TNFRSF10A: variants seen among roughly 807,000 people sequenced by gnomAD.
TNFRSF10A encodes the protein tumor necrosis factor receptor superfamily member 10A.
In TNFRSF10A, 44 loss-of-function variants were observed where a neutral mutation model predicts 42.8. That is an observed-to-expected ratio of 1.03 (90% CI 0.81 to 1.32). The LOEUF (loss-of-function observed/expected upper bound fraction) is 1.32. Among genes scored for constraint, TNFRSF10A ranks in the 40% most tolerant of loss-of-function variants. The pLI is 0.00. For missense variants in TNFRSF10A, 680 were observed against 602.0 expected (o/e 1.13, Z -1.36); for synonymous variants, 259 against 234.2 (o/e 1.11, Z -0.97).
At chr8:23,193,351 G>T (rs1800780448) in intron 9 of TNFRSF10A, among the ~76,000 whole-genome samples, 1 of 152,174 alleles carries the variant, frequency 6.6e-6, no homozygotes, top group African/African-American at 2.4e-5. Flanking sequence ...ACTGCAGCCG[G>T]CCCCAACCAC....
chr8:23,224,704 C>T (rs929283884), intron 1 of TNFRSF10A, 52 bp downstream of exon 1: 33 of 1,529,416 alleles, frequency 2.2e-5, no homozygotes, highest in Non-Finnish European at 2.6e-5. Flanking sequence ...TCTCTGCCCC[C>T]TCCCGGTGCC....
intron 1 of TNFRSF10A, among the ~76,000 whole-genome samples, chr8:23,212,891 T>C (rs951065220): frequency 2.0e-5 from 3 of 152,236 alleles, no homozygotes; most frequent in Non-Finnish European, 4.4e-5. Context: ...ATCACTTCTA[T>C]ATTATCAGGG....
At chr8:23,194,109 C>G (rs1563376364) in intron 9 of TNFRSF10A, among the ~76,000 whole-genome samples, 1 of 152,174 alleles carries the variant, frequency 6.6e-6, no homozygotes, top group African/African-American at 2.4e-5. Flanking sequence ...TAACAAATTT[C>G]AGCCATGTGA....
At chr8:23,200,034 G>C (rs551392193) in intron 6 of TNFRSF10A, 117 bp from the exon 7 acceptor site, 1 of 1,298,070 alleles carries the variant, frequency 7.7e-7, no homozygotes, top group African/African-American at 1.5e-5. Flanking sequence ...AAAGATCCCC[G>C]GGCCTGGGGA....
chr8:23,202,625 C>A (rs1345050356), intron 3 of TNFRSF10A, 23 bp downstream of exon 3: 1 of 1,595,898 alleles, frequency 6.3e-7, no homozygotes, highest in Non-Finnish European at 8.6e-7. Flanking sequence ...CACCTCTGGA[C>A]AAGAGGTCCA....
intron 2 of TNFRSF10A, chr8:23,207,435 C>G: frequency 2.1e-6 from 1 of 476,358 alleles, no homozygotes; most frequent in South Asian, 1.7e-5. Context: ...AAGTTGAGGC[C>G]CAGATGCCTT....
intron 2 of TNFRSF10A, among the ~76,000 whole-genome samples, chr8:23,210,439 T>C (rs1801078666): frequency 6.6e-6 from 1 of 152,158 alleles, no homozygotes; most frequent in Non-Finnish European, 1.5e-5. Flanking sequence ...CCCAGCACTT[T>C]GGAAGGCTGA....
At chr8:23,219,613 C>A (rs1399609790) in intron 1 of TNFRSF10A, among the ~76,000 whole-genome samples, 3 of 152,228 alleles carry the variant, frequency 2.0e-5, no homozygotes, top group African/African-American at 7.2e-5. Flanking sequence ...AGCCAGAGAA[C>A]AAAGATCTCC....
chr8:23,202,696 C>T lies in TNFRSF10A; in HGVS notation c.469G>A (p.Ala157Thr). The T allele has an allele frequency of 1.2e-6, 2 of 1,614,050 alleles. No individual in the cohort carries two copies. Among genetic ancestry groups the T allele is most frequent in the Admixed American group, 1.7e-5 (1 of 60,006 alleles). ...AGGCAAGCAAACAAATTGTTGGAAG[C>T]ATTGGTGTAACCCACACCCTCTGTG... Reference protein sequence around the residue: ...RCTEGVGYTNASNNLFACLPC... With the variant: ...RCTEGVGYTNTSNNLFACLPC... Residue 157 changes from alanine (A) to threonine (T), a missense_variant, in exon 3 of 10, where the codon GCT becomes ACT. By Grantham distance (58) the Ala-to-Thr change is moderately conservative (BLOSUM62 0). Coordinates refer to ENST00000221132, the MANE Select transcript of TNFRSF10A (RefSeq NM_003844.4).
At position 23,202,725 on chromosome 8, in the gene TNFRSF10A, C is replaced by T. The variant is rs748872586; in HGVS notation, c.440G>A (p.Arg147Gln). The stretch of plus-strand genomic sequence containing the variant: ...GGTGTAACCCACACCCTCTGTGCAC[C>T]GGTTACAGGCTCCAGGATGTTCTGA... ...HRSEHPGACN[R>Q]CTEGVGYTNA... The change falls in exon 3 of 10, where the codon CGG becomes CAG. Residue 147 changes from arginine to glutamine, a missense_variant. Coordinates refer to ENST00000221132, the MANE Select transcript of TNFRSF10A (RefSeq NM_003844.4). 7.4e-6 allele frequency: 12 copies of T among 1,613,808 alleles called. No homozygotes were observed. In the South Asian group the frequency reaches 7.7e-5, roughly 10 times the overall value.
intron 6 of TNFRSF10A, 122 bp from the exon 7 acceptor site, chr8:23,200,039 TG>T: frequency 8.1e-7 from 1 of 1,238,386 alleles, no homozygotes; most frequent in Non-Finnish European, 1.2e-6. Flanking sequence ...TCCCCGGGCC[TG>T]GGGATCCACA....
intron 1 of TNFRSF10A, among the ~76,000 whole-genome samples, chr8:23,213,661 G>C (rs959076236): frequency 1.3e-5 from 2 of 151,800 alleles, no homozygotes; most frequent in African/African-American, 4.8e-5. Flanking sequence ...TGTTAGGATG[G>C]TCTCTATCTC....
At chr8:23,203,315 C>T (rs73671082) in intron 2 of TNFRSF10A, among the ~76,000 whole-genome samples, 2,809 of 152,228 alleles carry the variant, frequency 0.018, 44 homozygotes, top group African/African-American at 0.04. Flanking sequence ...TACAAACAGG[C>T]GCAGAAACAA....
intron 1 of TNFRSF10A, chr8:23,224,438 C>G: frequency 5.2e-6 from 2 of 385,254 alleles, no homozygotes; most frequent in Non-Finnish European, 9.5e-6. Flanking sequence ...CACACTTGAG[C>G]TCTATCGATT....
At chr8:23,195,925 G>C (rs1396687255) in intron 9 of TNFRSF10A, among the ~76,000 whole-genome samples, 1 of 152,116 alleles carries the variant, frequency 6.6e-6, no homozygotes, top group Non-Finnish European at 1.5e-5. Flanking sequence ...AATAGAAAGG[G>C]AGAACTGAAA....
intron 9 of TNFRSF10A, among the ~76,000 whole-genome samples, chr8:23,196,542 C>G (rs1800826693): frequency 6.6e-6 from 1 of 152,126 alleles, no homozygotes; most frequent in Non-Finnish European, 1.5e-5. Flanking sequence ...TAGTTTTAGT[C>G]CATCAGGGGA....
At position 23,224,868 on chromosome 8, in the gene TNFRSF10A, C is replaced by G. The variant is rs544790282; in HGVS notation, c.194G>C (p.Ser65Thr). Residue 65 changes from serine to threonine, a missense_variant, in exon 1 of 10, where the codon AGT becomes ACT. Physicochemically the swap from Ser to Thr is moderately conservative, Grantham distance 58 (BLOSUM62 1). Coordinates refer to ENST00000221132, the MANE Select transcript of TNFRSF10A (RefSeq NM_003844.4). Reference protein sequence around the residue: ...LPTSMGQHGPSARARAGRAPG... With the variant: ...LPTSMGQHGPTARARAGRAPG... ...GGCGCGCCCTGCCCGGGCCCGGGCA[C>G]TGGGTCCGTGCTGTCCCATGGAGGT... 3 of 1,575,984 alleles carry G rather than the reference C, an allele frequency of 1.9e-6. No homozygotes were observed. The highest frequency in any genetic ancestry group is 2.6e-6 in the Non-Finnish European group (3 of 1,161,006).
intron 1 of TNFRSF10A, among the ~76,000 whole-genome samples, chr8:23,218,010 G>A (rs1251895163): frequency 6.6e-6 from 1 of 152,146 alleles, no homozygotes; most frequent in Non-Finnish European, 1.5e-5. Context: ...CAAGGCAGTC[G>A]GGGAGGGCAG....
At chr8:23,216,690 C>G (rs950055968) in intron 1 of TNFRSF10A, among the ~76,000 whole-genome samples, 1 of 150,700 alleles carries the variant, frequency 6.6e-6, no homozygotes, top group Non-Finnish European at 1.5e-5. Flanking sequence ...TGCAGTGAAC[C>G]GGGATCACGC....
Sources: gnomAD v4.1 joint callset for allele counts (sites outside exome capture counted in the v4.1 genomes callset) on GRCh38, gnomAD v4.1.1 for gene constraint, MANE v1.5 for transcripts, NCBI Gene and HGNC (gene_info 2026-07-23, HGNC 2026-07-21) for gene names.